The following EYS variants were observed in gnomAD, a reference collection of about 807,000 sequenced individuals.
The protein encoded by EYS is protein eyes shut homolog.
EYS carries 250 observed loss-of-function variants against 282.1 expected under a neutral mutation model. The observed-to-expected ratio is 0.89, with a 90% confidence interval of 0.80 to 0.98. The LOEUF is 0.98. EYS is among the 50% of genes least tolerant of loss of function. The pLI, the probability that EYS is intolerant of heterozygous loss-of-function variation, is 0.00. For missense variants in EYS, 4,016 were observed against 3,709.0 expected (o/e 1.08, Z -2.15); for synonymous variants, 1,355 against 1,282.9 (o/e 1.06, Z -1.20).
intron 2 of EYS, among the ~76,000 whole-genome samples, chr6:65,613,203 G>A (rs766336339): frequency 4.0e-5 from 6 of 151,480 alleles, no homozygotes; most frequent in Admixed American, 6.6e-5. Context: ...ATTTAGTGTT[G>A]GAGAAATCAA....
intron 1 of EYS, among the ~76,000 whole-genome samples, chr6:65,705,865 A>T (rs939362767): frequency 2.4e-4 from 36 of 152,240 alleles, no homozygotes; most frequent in Middle Eastern, 3.4e-3. Flanking sequence ...AATCTGAATT[A>T]TTAACAATTG....
chr6:65,434,816 A>G (rs1176171983), intron 5 of EYS, among the ~76,000 whole-genome samples: 1 of 152,150 alleles, frequency 6.6e-6, no homozygotes, highest in Non-Finnish European at 1.5e-5. Flanking sequence ...TAATATTTTA[A>G]GGCTTAATTT....
At chr6:64,110,765 A>G (rs920852178) in intron 31 of EYS, among the ~76,000 whole-genome samples, 7 of 151,994 alleles carry the variant, frequency 4.6e-5, no homozygotes, top group African/African-American at 1.7e-4. Context: ...AAGTGAGAGG[A>G]TATAGCAAAG....
At chr6:65,512,413 C>A (rs372679919) in intron 2 of EYS, among the ~76,000 whole-genome samples, 1 of 149,288 alleles carries the variant, frequency 6.7e-6, no homozygotes, top group Non-Finnish European at 1.5e-5. Context: ...GGCATGAACC[C>A]GGGAGGCGGA....
intron 2 of EYS, among the ~76,000 whole-genome samples, chr6:65,636,237 C>G (rs549515310): frequency 1.3e-5 from 2 of 152,172 alleles, no homozygotes; most frequent in Non-Finnish European, 2.9e-5. Context: ...TAAACAGAAG[C>G]GAAAATCTTT....
chr6:64,701,217 A>T (rs1770776231), intron 22 of EYS, among the ~76,000 whole-genome samples: 1 of 152,154 alleles, frequency 6.6e-6, no homozygotes, highest in Admixed American at 6.5e-5. Flanking sequence ...TACAAAAATT[A>T]ACTTAAGATT....
chr6:64,301,812 G>A (rs544530010), intron 30 of EYS, among the ~76,000 whole-genome samples: 7 of 152,170 alleles, frequency 4.6e-5, no homozygotes, highest in South Asian at 4.2e-4. Context: ...GTTTACTGAC[G>A]GTTCTGGTAA....
intron 10 of EYS, among the ~76,000 whole-genome samples, chr6:65,343,019 T>C (rs1770256003): frequency 6.6e-6 from 1 of 151,166 alleles, no homozygotes; most frequent in African/African-American, 2.4e-5. Context: ...TCTATGTGTA[T>C]AGTGATGTAT....
chr6:63,826,847 A>AAAAAAAAAAAAAAAAAAAAAAAAC (rs1491007672), intron 36 of EYS, among the ~76,000 whole-genome samples: 1 of 1,732 alleles, frequency 5.8e-4, no homozygotes, highest in Admixed American at 0.01. Flanking sequence ...TTAAAAAGCA[A>AAAAAAAAAAAAAAAAAAAAAAAAC]AAAAAAAAAA....
intron 2 of EYS, among the ~76,000 whole-genome samples, chr6:65,605,873 G>C (rs1027334793): frequency 1.3e-5 from 2 of 151,536 alleles, no homozygotes; most frequent in African/African-American, 4.8e-5. Context: ...TGAAAATGTA[G>C]AATAAAATAA....
At chr6:64,031,596 T>C (rs1294927994) in intron 33 of EYS, among the ~76,000 whole-genome samples, 1 of 152,142 alleles carries the variant, frequency 6.6e-6, no homozygotes, top group Non-Finnish European at 1.5e-5. Context: ...CTGAGTCTGG[T>C]GGGGACTTGC....
intron 29 of EYS, among the ~76,000 whole-genome samples, chr6:64,387,722 T>A (rs1772960135): frequency 6.6e-6 from 1 of 152,132 alleles, no homozygotes; most frequent in Admixed American, 6.5e-5. Context: ...CACAAATATC[T>A]GTTTAATGAT....
At chr6:64,177,737 GT>G (rs1033107759) in intron 31 of EYS, among the ~76,000 whole-genome samples, 2 of 151,814 alleles carry the variant, frequency 1.3e-5, no homozygotes, top group African/African-American at 2.4e-5. Context: ...TCCATACTTT[GT>G]TTTTTTTCTC....
intron 40 of EYS, among the ~76,000 whole-genome samples, chr6:63,769,897 G>A (rs1292427016): frequency 6.6e-6 from 1 of 151,864 alleles, no homozygotes; most frequent in African/African-American, 2.4e-5. Context: ...CTGAAAATGA[G>A]ATAATAGAAG....
chr6:65,342,318 A>C (rs1245344734), intron 10 of EYS, among the ~76,000 whole-genome samples: 1 of 151,080 alleles, frequency 6.6e-6, no homozygotes, highest in Non-Finnish European at 1.5e-5. Flanking sequence ...ATATAATCGA[A>C]ATTTTAATAA....
chr6:65,099,709 TG>T (rs1326556905), intron 12 of EYS, among the ~76,000 whole-genome samples: 4 of 150,758 alleles, frequency 2.7e-5, no homozygotes, highest in African/African-American at 9.7e-5. Context: ...GTATGTGGGA[TG>T]GGCATGAAAT....
intron 31 of EYS, among the ~76,000 whole-genome samples, chr6:64,090,288 T>C (rs1772310728): frequency 6.6e-6 from 1 of 152,188 alleles, no homozygotes; most frequent in South Asian, 2.1e-4. Context: ...TTCTAATTTC[T>C]GAAAACTGTC....
chr6:65,678,453 A>G (rs1458790199), intron 1 of EYS, among the ~76,000 whole-genome samples: 15 of 152,064 alleles, frequency 9.9e-5, no homozygotes, highest in Admixed American at 9.8e-4. Flanking sequence ...ACATAAATTA[A>G]CTCAAAATAG....
chr6:64,432,946 C>CTTTA (rs1774621441), intron 28 of EYS, among the ~76,000 whole-genome samples: 1 of 152,008 alleles, frequency 6.6e-6, no homozygotes, highest in African/African-American at 2.4e-5. Context: ...CTTTTAGTAT[C>CTTTA]TTTATTATGC....
Sources: allele counts gnomAD v4.1 joint callset (sites outside exome capture counted in the v4.1 genomes callset), GRCh38; gene constraint gnomAD v4.1.1; transcripts MANE v1.5; gene names NCBI Gene and HGNC (gene_info 2026-07-23, HGNC 2026-07-21).